The following MDGA2 variants were observed in gnomAD, a reference collection of about 807,000 sequenced individuals.
MDGA2 encodes the protein MAM domain containing glycosylphosphatidylinositol anchor 2.
Under a neutral mutation model 117.8 loss-of-function variants are expected in MDGA2, and 40 were observed. The observed-to-expected ratio is 0.34, with a 90% CI of 0.26 to 0.44. MDGA2 has a LOEUF of 0.44. Ranked by LOEUF, MDGA2 falls within the 20% of genes least tolerant of loss-of-function variation. The pLI, the probability that MDGA2 is intolerant of heterozygous loss-of-function variation, is 1.00. For synonymous variants in MDGA2, 452 were observed against 439.0 expected, an observed-to-expected ratio of 1.03 and a Z score of -0.37; for missense variants, 1,123 against 1,250.6, an observed-to-expected ratio of 0.90 and a Z score of 1.54.
At chr14:47,521,369 C>T (rs934053479) in intron 1 of MDGA2, among the ~76,000 whole-genome samples, 1 of 152,182 alleles carries the variant, frequency 6.6e-6, no homozygotes, top group Admixed American at 6.5e-5. Flanking sequence ...TTACCAGGTG[C>T]AGTGATGCAC....
chr14:46,918,922 C>A (rs868164051), intron 10 of MDGA2, among the ~76,000 whole-genome samples: 1 of 152,026 alleles, frequency 6.6e-6, no homozygotes, highest in South Asian at 2.1e-4. Context: ...TCAACATGCC[C>A]GGCTAATTTT....
At chr14:46,908,947 T>A (rs2138473989) in intron 10 of MDGA2, among the ~76,000 whole-genome samples, 1 of 152,284 alleles carries the variant, frequency 6.6e-6, no homozygotes, top group East Asian at 1.9e-4. Context: ...CAGCTTCTGC[T>A]ACCTTCCCAA....
intron 8 of MDGA2, among the ~76,000 whole-genome samples, chr14:46,971,819 CAT>C (rs1207419901): frequency 2.0e-5 from 3 of 152,090 alleles, no homozygotes; most frequent in Non-Finnish European, 4.4e-5. Flanking sequence ...CTGACTTGAT[CAT>C]TCCACCTTCT....
intron 2 of MDGA2, among the ~76,000 whole-genome samples, chr14:47,297,088 C>T (rs1313133083): frequency 6.6e-6 from 1 of 152,072 alleles, no homozygotes; most frequent in African/African-American, 2.4e-5. Context: ...GAACTACCAG[C>T]CTTGACCCAT....
At chr14:47,053,129 A>G (rs1889515428) in intron 7 of MDGA2, among the ~76,000 whole-genome samples, 1 of 151,910 alleles carries the variant, frequency 6.6e-6, no homozygotes, top group Non-Finnish European at 1.5e-5. Flanking sequence ...CTGCATGGAT[A>G]TTCTTTTTTT....
intron 1 of MDGA2, among the ~76,000 whole-genome samples, chr14:47,441,497 C>A (rs904516439): frequency 1.3e-5 from 2 of 152,080 alleles, no homozygotes; most frequent in African/African-American, 4.8e-5. Flanking sequence ...TTCTGAAGGA[C>A]ATAGTAGGAA....
intron 2 of MDGA2, among the ~76,000 whole-genome samples, chr14:47,265,982 T>C (rs546155626): frequency 4.6e-5 from 7 of 152,256 alleles, no homozygotes; most frequent in Admixed American, 3.9e-4. Context: ...ATGCTATTGA[T>C]TGCAAACACT....
chr14:47,359,745 T>A (rs1344387035), intron 1 of MDGA2, among the ~76,000 whole-genome samples: 1 of 74,406 alleles, frequency 1.3e-5, no homozygotes, highest in South Asian at 4.5e-4. Context: ...AGCAAGACTG[T>A]CTCAAAAAAA....
intron 9 of MDGA2, among the ~76,000 whole-genome samples, chr14:46,925,356 G>A (rs1884285150): frequency 6.6e-6 from 1 of 152,128 alleles, no homozygotes. Flanking sequence ...TTTAGGCTGG[G>A]CACAGAGGCT....
At chr14:47,607,056 T>C (rs2138893292) in intron 1 of MDGA2, among the ~76,000 whole-genome samples, 1 of 152,278 alleles carries the variant, frequency 6.6e-6, no homozygotes, top group African/African-American at 2.4e-5. Flanking sequence ...TTGCTAAAGA[T>C]TATTTGGTCA....
chr14:47,245,483 A>AC lies in MDGA2; in HGVS notation c.421-27289dup, dbSNP rs1029947038. ...CGACTGTGTAGGGTTCAGTGCCCCT[A>AC]CCCACTGGGTTCTTCAAGGGCCAAC... On this transcript the variant is annotated intron_variant, in intron 2 of 16. Coordinates refer to ENST00000399232, the MANE Select transcript of MDGA2 (RefSeq NM_001113498.3). 1.5e-4 allele frequency among the ~76,000 whole-genome samples: 23 copies of AC among 151,662 alleles called. 3 individuals carry two copies. The highest frequency in any genetic ancestry group is 8.9e-5 in the Non-Finnish European group (6 of 67,776).
chr14:47,494,220 G>A (rs1894232132), intron 1 of MDGA2, among the ~76,000 whole-genome samples: 1 of 152,160 alleles, frequency 6.6e-6, no homozygotes, highest in Admixed American at 6.6e-5. Flanking sequence ...CCCAGTCTTG[G>A]AAAGATCTTT....
chr14:47,423,795 A>ATTTAT (rs150211789), intron 1 of MDGA2, among the ~76,000 whole-genome samples: 58,915 of 150,208 alleles, frequency 0.39, 11,640 homozygotes, highest in South Asian at 0.56. Context: ...TTATTTAACT[A>ATTTAT]TTTATTTTAT....
At chr14:47,301,828 T>G (rs1403456206) in intron 1 of MDGA2, among the ~76,000 whole-genome samples, 1 of 152,202 alleles carries the variant, frequency 6.6e-6, no homozygotes, top group African/African-American at 2.4e-5. Context: ...AAAATTTGAT[T>G]GTTAAAATGT....
At chr14:47,350,795 G>T (rs10148539) in intron 1 of MDGA2, among the ~76,000 whole-genome samples, 50,288 of 152,134 alleles carry the variant, frequency 0.33, 9,057 homozygotes, top group Admixed American at 0.51. Context: ...AGCATGAAGA[G>T]ATTTCAATAC....
Position 47,206,673 on chromosome 14 carries a change from T to C in MDGA2, c.595+11348A>G, listed in dbSNP as rs146288531. Among the ~76,000 whole-genome samples the C allele has an allele frequency of 3.6e-3, 543 of 152,094 alleles. 5 individuals are homozygous for C. Among genetic ancestry groups the C allele is most frequent in the African/African-American group, 0.013 (525 of 41,524 alleles). On this transcript the variant is annotated intron_variant, in intron 3 of 16. Transcript: ENST00000399232. ...AGGACGTGGAAGCTGGAGGATTGCT[T>C]GAGGCCAGGAGTTCAAGACCAAACT... is the stretch of plus-strand genomic sequence containing the variant.
At chr14:47,170,751 A>G (rs949035593) in intron 3 of MDGA2, among the ~76,000 whole-genome samples, 2 of 152,196 alleles carry the variant, frequency 1.3e-5, no homozygotes, top group African/African-American at 4.8e-5. Flanking sequence ...GTTTCCTATA[A>G]AAACTTCTGA....
At chr14:47,600,241 C>CA (rs925919208) in intron 1 of MDGA2, among the ~76,000 whole-genome samples, 28 of 151,728 alleles carry the variant, frequency 1.8e-4, no homozygotes, top group Non-Finnish European at 7.4e-5. Context: ...ACTAAAAATA[C>CA]AAAAAAGCAG....
intron 1 of MDGA2, among the ~76,000 whole-genome samples, chr14:47,560,317 C>T (rs1205898263): frequency 2.0e-5 from 3 of 151,916 alleles, no homozygotes; most frequent in Non-Finnish European, 2.9e-5. Flanking sequence ...GTGATCTGCC[C>T]GCCTCGGCCT....
Sources: allele counts gnomAD v4.1 joint callset (sites outside exome capture counted in the v4.1 genomes callset), GRCh38; gene constraint gnomAD v4.1.1; transcripts MANE v1.5; gene names NCBI Gene and HGNC (gene_info 2026-07-23, HGNC 2026-07-21).